Variants in ARHGEF3 observed in about 807,000 individuals in gnomAD.
ARHGEF3 encodes Rho guanine nucleotide exchange factor 3, also known as 59.8 kDA protein.
Under a neutral mutation model 63.2 loss-of-function variants are expected in ARHGEF3, and 28 were observed. The ratio of observed to expected loss-of-function variants is 0.44; its 90% CI spans 0.33 to 0.61. The LOEUF (loss-of-function observed/expected upper bound fraction) is 0.61, where lower values mean the gene tolerates loss of function less well. ARHGEF3 is among the 20% of genes least tolerant of loss of function. ARHGEF3 has a pLI of 0.03. For synonymous variants in ARHGEF3, 266 were observed against 254.2 expected, an observed-to-expected ratio of 1.05 and a Z score of -0.44; for missense variants, 533 against 659.3, an observed-to-expected ratio of 0.81 and a Z score of 2.10.
chr3:57,074,121 T>G (rs1229963963), intron 1 of ARHGEF3: 1 of 1,613,684 alleles, frequency 6.2e-7, no homozygotes. Flanking sequence ...GACCACAGGA[T>G]GGTTGTGGAG....
At chr3:56,753,402 T>C in intron 4 of ARHGEF3, 102 bp downstream of exon 4, 1 of 976,252 alleles carries the variant, frequency 1.0e-6, no homozygotes, top group Non-Finnish European at 1.6e-6. Flanking sequence ...AGACCAGTCT[T>C]AGTCATAAAG....
At chr3:57,048,949 G>A (rs145665637) in intron 1 of ARHGEF3, among the ~76,000 whole-genome samples, 45 of 152,316 alleles carry the variant, frequency 3.0e-4, no homozygotes, top group African/African-American at 1.0e-3. Flanking sequence ...GACACACAGC[G>A]TTAAGAGCCT....
rs1370586136 is a variant in ARHGEF3, at chr3:56,903,151, C to T, written c.130-20797G>A. Among the ~76,000 whole-genome samples, 3 of 152,074 alleles carry T rather than the reference C, an allele frequency of 2.0e-5. No individual in the cohort carries two copies. The South Asian group carries it at 6.2e-4, about 32-fold the overall frequency. On this transcript the variant is annotated intron_variant, in intron 3 of 12. Coordinates refer to the ARHGEF3 transcript ENST00000338458. ...GTGACAAAGACTTCTGCTGAATTGC[C>T]TACAATTCAGAGTTATGCTCCAAGG...
intron 2 of ARHGEF3, among the ~76,000 whole-genome samples, chr3:56,756,961 T>G (rs1226952217): frequency 6.6e-6 from 1 of 152,168 alleles, no homozygotes; most frequent in Non-Finnish European, 1.5e-5. Flanking sequence ...CAGACATACT[T>G]CTGATATAGC....
intron 6 of ARHGEF3, among the ~76,000 whole-genome samples, chr3:56,746,747 A>C (rs1473236496): frequency 1.3e-5 from 2 of 152,080 alleles, no homozygotes; most frequent in Non-Finnish European, 2.9e-5. Context: ...AAAATAAATA[A>C]ATACATAAAA....
chr3:56,992,704 TCAGTG>T (rs1182093827), intron 2 of ARHGEF3, among the ~76,000 whole-genome samples: 1 of 152,216 alleles, frequency 6.6e-6, no homozygotes, highest in Non-Finnish European at 1.5e-5. Flanking sequence ...CATGAGCTGC[TCAGTG>T]CCAGGTGCTC....
intron 1 of ARHGEF3, among the ~76,000 whole-genome samples, chr3:57,044,827 G>A (rs1704378087): frequency 6.6e-6 from 1 of 152,180 alleles, no homozygotes; most frequent in Admixed American, 6.5e-5. Context: ...CTGGTTCCAG[G>A]ATGCCTGTCT....
chr3:57,014,502 T>C (rs557148752), intron 2 of ARHGEF3, among the ~76,000 whole-genome samples: 2 of 152,256 alleles, frequency 1.3e-5, no homozygotes, highest in East Asian at 3.9e-4. Context: ...TGCATATGCG[T>C]ACCAATGCAA....
In ARHGEF3 at chr3:56,897,823, C is replaced by T. The variant is rs556865725; in HGVS notation, c.130-15469G>A. Among the ~76,000 whole-genome samples, 21 of 152,258 alleles carry T rather than the reference C, an allele frequency of 1.4e-4. No individual in the cohort carries two copies. The South Asian group carries it at 4.4e-3, about 32-fold the overall frequency. On this transcript the variant is annotated intron_variant, in intron 3 of 12. Coordinates refer to the ARHGEF3 transcript ENST00000338458. ...CTCGTGATCTGCCCACCTCGACCTC[C>T]CAAAGTGTTGGGATTACAGGCGTGA... is the stretch of plus-strand genomic sequence containing the variant.
intron 1 of ARHGEF3, among the ~76,000 whole-genome samples, chr3:56,793,170 A>T (rs1050097448): frequency 2.8e-4 from 37 of 132,142 alleles, no homozygotes; most frequent in African/African-American, 1.0e-3. Context: ...GGCCCAGATA[A>T]TTTTTTTTTT....
At chr3:56,751,224 T>C (rs2034722676) in intron 5 of ARHGEF3, 76 bp downstream of exon 5, 3 of 1,539,598 alleles carry the variant, frequency 1.9e-6, no homozygotes, top group Admixed American at 1.7e-5. Flanking sequence ...TGCAGGCAAT[T>C]AATAATCACT....
At chr3:56,951,225 A>G (rs1699794941) in intron 3 of ARHGEF3, among the ~76,000 whole-genome samples, 2 of 151,770 alleles carry the variant, frequency 1.3e-5, no homozygotes, top group African/African-American at 4.9e-5. Context: ...ACATGTATAC[A>G]TATGTAACTA....
intron 1 of ARHGEF3, among the ~76,000 whole-genome samples, chr3:56,783,393 G>A (rs1206570248): frequency 2.0e-5 from 3 of 152,154 alleles, no homozygotes; most frequent in African/African-American, 4.8e-5. Flanking sequence ...CGGTACACCC[G>A]GGAGAAGCAA....
chr3:56,882,582 G>C (rs2040806980), intron 3 of ARHGEF3, among the ~76,000 whole-genome samples: 1 of 140,050 alleles, frequency 7.1e-6, no homozygotes, highest in Non-Finnish European at 1.5e-5. Flanking sequence ...GCGGTGGTCT[G>C]ATCTTGGCTC....
intron 1 of ARHGEF3, among the ~76,000 whole-genome samples, chr3:57,037,456 T>C (rs1704008989): frequency 6.6e-6 from 1 of 152,176 alleles, no homozygotes. Flanking sequence ...AAAGCCACAT[T>C]TCCCAAGCAG....
intron 2 of ARHGEF3, among the ~76,000 whole-genome samples, chr3:56,772,905 A>G (rs116694733): frequency 4.6e-5 from 7 of 152,254 alleles, no homozygotes; most frequent in South Asian, 2.1e-4. Flanking sequence ...TGGAAAAAAC[A>G]TTTTTTTAAT....
chr3:56,973,183 A>T (rs1366571703), intron 2 of ARHGEF3, among the ~76,000 whole-genome samples: 1 of 151,656 alleles, frequency 6.6e-6, no homozygotes, highest in African/African-American at 2.4e-5. Context: ...CGCCCGGCTA[A>T]TTTTTTTGTA....
chr3:56,934,654 C>T (rs1015040062), intron 3 of ARHGEF3, among the ~76,000 whole-genome samples: 2 of 152,232 alleles, frequency 1.3e-5, no homozygotes, highest in Non-Finnish European at 2.9e-5. Context: ...CAGTGCCAGC[C>T]CACCAGCGCT....
At chr3:56,969,551 C>G (rs1700814313) in intron 2 of ARHGEF3, among the ~76,000 whole-genome samples, 1 of 151,712 alleles carries the variant, frequency 6.6e-6, no homozygotes, top group Non-Finnish European at 1.5e-5. Context: ...AGTGGGCAGA[C>G]CACAAGGTCA....
Sources: gnomAD v4.1 joint callset for allele counts (sites outside exome capture counted in the v4.1 genomes callset) on GRCh38, gnomAD v4.1.1 for gene constraint, MANE v1.5 for transcripts, NCBI Gene and HGNC (gene_info 2026-07-23, HGNC 2026-07-21) for gene names.